PLCB4: variants seen among roughly 807,000 people sequenced by gnomAD.
PLCB4 encodes 1-phosphatidylinositol 4,5-bisphosphate phosphodiesterase beta-4.
In PLCB4, 77 loss-of-function variants were observed where a neutral mutation model predicts 178.8. That is an observed-to-expected ratio of 0.43 (90% CI 0.36 to 0.52). PLCB4 has a LOEUF of 0.52. Ranked by LOEUF, PLCB4 falls within the 20% of genes least tolerant of loss-of-function variation. The pLI is 0.00. For missense variants in PLCB4, 1,024 were observed against 1,453.4 expected (o/e 0.70, Z 4.80); for synonymous variants, 496 against 490.8 (o/e 1.01, Z -0.14).
In PLCB4 at chr20:9,276,431, G is replaced by A. The variant is rs1394584952; in HGVS notation, c.-15-31369G>A. Among the ~76,000 whole-genome samples the A allele has an allele frequency of 2.0e-5, 3 of 152,154 alleles. No individual in the cohort carries two copies. The South Asian group carries it at 6.2e-4, about 32-fold the overall frequency. Reference sequence around the variant, plus strand: ...GAGGAGCCAGATGTGAGTCTCAGACGGGGAGGAATACCTGGATTTTACTGA... The same window carrying A: ...GAGGAGCCAGATGTGAGTCTCAGACAGGGAGGAATACCTGGATTTTACTGA... On this transcript the variant is annotated intron_variant, in intron 3 of 39. Transcript: ENST00000378473.
chr20:9,429,217 G>T (rs2041231426), intron 28 of PLCB4, among the ~76,000 whole-genome samples: 1 of 152,110 alleles, frequency 6.6e-6, no homozygotes, highest in Non-Finnish European at 1.5e-5. Context: ...GGTGTTTTAG[G>T]CCACCTACAT....
intron 3 of PLCB4, among the ~76,000 whole-genome samples, chr20:9,290,373 C>T (rs1454439356): frequency 6.6e-6 from 1 of 152,078 alleles, no homozygotes; most frequent in Non-Finnish European, 1.5e-5. Flanking sequence ...AAGAAATTTG[C>T]TAAAATGAAA....
intron 2 of PLCB4, among the ~76,000 whole-genome samples, chr20:9,201,781 T>C (rs551138868): frequency 3.3e-5 from 5 of 152,162 alleles, no homozygotes; most frequent in Admixed American, 6.5e-5. Flanking sequence ...TCCCATGCAT[T>C]GTTGGGAATG....
chr20:9,185,493 TTC>T (rs2147110921), intron 2 of PLCB4, among the ~76,000 whole-genome samples: 1 of 152,254 alleles, frequency 6.6e-6, no homozygotes, highest in South Asian at 2.1e-4. Context: ...CTGAGCCAGG[TTC>T]TCTTTCACCT....
At chr20:9,427,283 T>A (rs1215069936) in intron 28 of PLCB4, among the ~76,000 whole-genome samples, 1 of 151,706 alleles carries the variant, frequency 6.6e-6, no homozygotes, top group Non-Finnish European at 1.5e-5. Context: ...AACAGAGCAG[T>A]GATGGCTACC....
intron 25 of PLCB4, among the ~76,000 whole-genome samples, chr20:9,413,957 G>T (rs532081811): frequency 2.0e-5 from 3 of 152,238 alleles, no homozygotes; most frequent in East Asian, 3.9e-4. Flanking sequence ...TCACCATGTT[G>T]CCCAGACTGG....
At chr20:9,272,295 A>G (rs1169635334) in intron 3 of PLCB4, among the ~76,000 whole-genome samples, 1 of 152,142 alleles carries the variant, frequency 6.6e-6, no homozygotes, top group Admixed American at 6.6e-5. Context: ...TCGCTGTATC[A>G]CTTGAAAATA....
At chr20:9,405,418 A>G (rs2148486441) in intron 21 of PLCB4, 70 bp downstream of exon 21, 3 of 905,338 alleles carry the variant, frequency 3.3e-6, no homozygotes, top group South Asian at 3.4e-5. Flanking sequence ...AAAGGAAGGA[A>G]TCAGTTGTGG....
chr20:9,170,869 C>A (rs1243469374), intron 2 of PLCB4, among the ~76,000 whole-genome samples: 1 of 152,178 alleles, frequency 6.6e-6, no homozygotes, highest in Non-Finnish European at 1.5e-5. Flanking sequence ...AAATGTACCA[C>A]AATCTCTTTG....
At chr20:9,171,605 C>T (rs2093065035) in intron 2 of PLCB4, among the ~76,000 whole-genome samples, 3 of 152,040 alleles carry the variant, frequency 2.0e-5, no homozygotes. Flanking sequence ...CAAACACTTG[C>T]TACAGTCAGT....
At chr20:9,284,009 C>T (rs925748990) in intron 3 of PLCB4, among the ~76,000 whole-genome samples, 12 of 151,950 alleles carry the variant, frequency 7.9e-5, no homozygotes, top group Admixed American at 2.6e-4. Context: ...GCACCCACTA[C>T]GTGGCCCATA....
intron 9 of PLCB4, among the ~76,000 whole-genome samples, chr20:9,370,236 A>T (rs538599649): frequency 3.4e-4 from 51 of 152,128 alleles, no homozygotes; most frequent in Non-Finnish European, 6.3e-4. Context: ...CAAAAATACT[A>T]TGTCTTGGGG....
intron 39 of PLCB4, 63 bp downstream of exon 39, chr20:9,476,816 G>C: frequency 9.1e-7 from 1 of 1,099,030 alleles, no homozygotes; most frequent in Non-Finnish European, 1.4e-6. Context: ...CGTATTCTCT[G>C]TGCAGTCTCC....
At chr20:9,096,935 CT>C (rs376256252) in intron 2 of PLCB4, among the ~76,000 whole-genome samples, 6 of 149,372 alleles carry the variant, frequency 4.0e-5, no homozygotes, top group East Asian at 2.0e-4. Flanking sequence ...CTTTGGCTTT[CT>C]TTTTTTTTTC....
chr20:9,238,865 C>A (rs1211703644), intron 3 of PLCB4, among the ~76,000 whole-genome samples: 2 of 152,138 alleles, frequency 1.3e-5, no homozygotes, highest in Non-Finnish European at 2.9e-5. Context: ...AATGTATGCA[C>A]ATGTAATGAG....
intron 3 of PLCB4, among the ~76,000 whole-genome samples, chr20:9,240,086 G>A (rs1373357170): frequency 6.6e-6 from 1 of 152,162 alleles, no homozygotes; most frequent in Non-Finnish European, 1.5e-5. Context: ...AACCCTCACA[G>A]ACACACTGAG....
At chr20:9,087,717 G>A (rs1474881504) in intron 1 of PLCB4, among the ~76,000 whole-genome samples, 3 of 152,210 alleles carry the variant, frequency 2.0e-5, no homozygotes, top group South Asian at 2.1e-4. Context: ...GCTATTGCAC[G>A]TAGCAGGTGC....
In PLCB4 at chr20:9,250,818, A is replaced by C. The variant is rs144401575; in HGVS notation, c.-16+33366A>C. On this transcript the variant is annotated intron_variant, in intron 3 of 39. Transcript: ENST00000378473. ...GTGGCATCATGATTTGTAGGCCATC[A>C]GGTGTTCTGTTAACTTATGAACTGA... is the stretch of plus-strand genomic sequence containing the variant. Among the ~76,000 whole-genome samples the C allele has an allele frequency of 2.4e-3, 363 of 152,322 alleles. 3 individuals carry two copies. Among genetic ancestry groups the C allele is most frequent in the African/African-American group, 8.2e-3 (341 of 41,576 alleles).
intron 25 of PLCB4, among the ~76,000 whole-genome samples, chr20:9,417,819 G>T (rs1426798621): frequency 6.6e-6 from 1 of 152,046 alleles, no homozygotes; most frequent in African/African-American, 2.4e-5. Flanking sequence ...ACTCCTACTA[G>T]CAACATATGA....
Sources: gnomAD v4.1 joint callset for allele counts (sites outside exome capture counted in the v4.1 genomes callset) on GRCh38, gnomAD v4.1.1 for gene constraint, MANE v1.5 for transcripts, NCBI Gene and HGNC (gene_info 2026-07-23, HGNC 2026-07-21) for gene names.